Variants in RAD50 observed in about 807,000 individuals in gnomAD.
The protein encoded by RAD50 is RAD50 double strand break repair protein, also known as DNA repair protein RAD50.
RAD50 carries 132 observed loss-of-function variants against 168.8 expected under a neutral mutation model. That is an observed-to-expected ratio of 0.78 (90% CI 0.68 to 0.90). The LOEUF (loss-of-function observed/expected upper bound fraction) is 0.90, where lower values mean the gene tolerates loss of function less well. Ranked by LOEUF, RAD50 falls within the 40% of genes least tolerant of loss-of-function variation. RAD50 has a pLI of 0.00. For synonymous variants in RAD50, 525 were observed against 497.4 expected, an observed-to-expected ratio of 1.06 and a Z score of -0.74; for missense variants, 1,347 against 1,534.4, an observed-to-expected ratio of 0.88 and a Z score of 2.04.
rs1580997021 is a variant in RAD50 at position 132,595,656 on chromosome 5, CAG to C, written c.2058_2059del (p.Arg686SerfsTer7). On this transcript the variant is annotated frameshift_variant, in exon 13 of 25. Coordinates refer to ENST00000378823, the MANE Select transcript of RAD50 (RefSeq NM_005732.4). LOFTEE classifies it high-confidence loss of function. ...AAACCAGTCATGTTGCCCCGTTTGT[CAG>C]AGAGTTTTTCAGACAGAGGCTGAGT... ...DENQSCCPVC[Q>X]RVFQTEAELQ... 4 of 1,614,040 alleles carry C rather than the reference CAG, an allele frequency of 2.5e-6. No individual in the cohort carries two copies. Among genetic ancestry groups the C allele is most frequent in the Non-Finnish European group, 3.4e-6 (4 of 1,179,974 alleles).
At chr5:132,566,385 G>A (rs1750208900) in intron 2 of RAD50, among the ~76,000 whole-genome samples, 1 of 152,190 alleles carries the variant, frequency 6.6e-6, no homozygotes, top group Admixed American at 6.5e-5. Flanking sequence ...TTCAACTACT[G>A]TGGATTAAAC....
intron 1 of RAD50, among the ~76,000 whole-genome samples, chr5:132,558,832 G>A (rs968700897): frequency 6.6e-6 from 1 of 151,924 alleles, no homozygotes; most frequent in East Asian, 1.9e-4. Context: ...CCAGGAGGTC[G>A]AGAGGTCGAG....
intron 20 of RAD50, among the ~76,000 whole-genome samples, chr5:132,617,817 C>T (rs1751203027): frequency 6.6e-6 from 1 of 152,100 alleles, no homozygotes; most frequent in Non-Finnish European, 1.5e-5. Flanking sequence ...TATCAGTGAT[C>T]ACATGCTATG....
chr5:132,642,215 C>G lies in RAD50; in HGVS notation c.3790C>G (p.Leu1264Val). 6.2e-7 allele frequency: 1 copy of G among 1,614,174 alleles called. No individual in the cohort carries two copies. The highest frequency in any genetic ancestry group is 8.5e-7 in the Non-Finnish European group (1 of 1,180,008). The change falls in exon 25 of 25, where the codon CTT (leucine) becomes GTT (valine). Residue 1264 changes from leucine (L) to valine (V), a missense_variant. Leu to Val is a conservative substitution (Grantham distance 32, BLOSUM62 1). Coordinates refer to ENST00000378823, the MANE Select transcript of RAD50 (RefSeq NM_005732.4). ...TCGCTCACAGCAGCGTAACTTCCAG[C>G]TTCTGGTAATCACTCATGATGAAGA... is the stretch of plus-strand genomic sequence containing the variant. ...KSRSQQRNFQ[L>V]LVITHDEDFV... is the part of the protein sequence containing the mutation.
intron 5 of RAD50, among the ~76,000 whole-genome samples, chr5:132,584,840 C>T (rs912381363): frequency 3.3e-5 from 5 of 151,024 alleles, no homozygotes; most frequent in African/African-American, 1.2e-4. Flanking sequence ...CAAACTACCG[C>T]AAGAACAAAA....
rs370859079 is a variant in RAD50, at chr5:132,604,094, G to A, written c.2524+48G>A. 102 of 1,603,120 alleles carry A rather than the reference G, an allele frequency of 6.4e-5. No homozygotes were observed. The African/African-American group carries it at 6.7e-4, about 11-fold the overall frequency. On this transcript the variant is annotated intron_variant, in intron 15 of 24. Transcript: ENST00000378823. ...GTACTCATAGAGACTTTGACATTGC[G>A]AGCACATGCCTTTTACAGTCAATTT...
Position 132,643,255 on chromosome 5 carries a change from A to C in RAD50, c.*891A>C, listed in dbSNP as rs564748122. On this transcript the variant is annotated 3_prime_UTR_variant, in exon 25 of 25. Transcript: ENST00000378823. ...TCAAGGCCTGCTCCCTGTAGGGTCC[A>C]ACCAGACCTGGAAGAACAGGCCTCT... 2.2e-5 allele frequency: 6 copies of C among 270,730 alleles called. No homozygotes were observed. The highest frequency in any genetic ancestry group is 1.2e-4 in the African/African-American group (6 of 48,006). 16.8% of individuals were successfully genotyped at this position (270,730 alleles called of 1,614,324 possible).
chr5:132,599,496 A>G (rs1750848426), intron 13 of RAD50, among the ~76,000 whole-genome samples: 1 of 152,208 alleles, frequency 6.6e-6, no homozygotes, highest in Non-Finnish European at 1.5e-5. Context: ...ATAACATTAT[A>G]AAACACTTTT....
chr5:132,628,724 G>A (rs529242754), intron 21 of RAD50, among the ~76,000 whole-genome samples: 1 of 152,152 alleles, frequency 6.6e-6, no homozygotes, highest in East Asian at 1.9e-4. Flanking sequence ...TGCCTAGCCT[G>A]TAATCCCAGC....
chr5:132,590,337 G>T (rs939149299), intron 9 of RAD50, among the ~76,000 whole-genome samples: 1 of 152,166 alleles, frequency 6.6e-6, no homozygotes, highest in Admixed American at 6.5e-5. Flanking sequence ...GGGCGTGGTG[G>T]CGTGTGCCTG....
chr5:132,576,198 A>G (rs1750398273), intron 3 of RAD50, among the ~76,000 whole-genome samples: 1 of 152,220 alleles, frequency 6.6e-6, no homozygotes, highest in Non-Finnish European at 1.5e-5. Flanking sequence ...GTTAAATAGA[A>G]TGATCCCATG....
At chr5:132,619,582 T>C (rs1030506746) in intron 21 of RAD50, among the ~76,000 whole-genome samples, 2 of 151,998 alleles carry the variant, frequency 1.3e-5, no homozygotes, top group African/African-American at 2.4e-5. Context: ...TCTTTTCTTA[T>C]TGATTTAAAT....
rs878997089 is a variant in RAD50, at chr5:132,616,015, T to A, written c.3049T>A (p.Trp1017Arg). The change falls in exon 20 of 25, where the codon TGG (tryptophan) becomes AGG (arginine). Residue 1017 changes from tryptophan to arginine, a missense_variant. Around this residue, in one of 3 missense-constraint regions of RAD50, gnomAD observed 635 missense variants for 739.2 expected, o/e 0.86. Transcript: ENST00000378823. ...TGTTTACCTTTAGATACAAGAAAGG[T>A]GGCTACAAGATAACCTTACTTTAAG... The part of the protein sequence containing the change: ...DIDTQKIQER[W>R]LQDNLTLRKR... The A allele has an allele frequency of 6.3e-7, 1 of 1,583,762 alleles. No homozygotes were observed. Among genetic ancestry groups the A allele is most frequent in the Non-Finnish European group, 8.7e-7 (1 of 1,152,856 alleles).
chr5:132,579,348 T>C lies in RAD50; in HGVS notation c.397T>C (p.Cys133Arg). 6.2e-7 allele frequency: 1 copy of C among 1,614,068 alleles called. No homozygotes were observed. ...HGEKVSLSSK[C>R]AEIDREMISS... ...TGAAAAGGTCAGTCTGAGCTCTAAG[T>C]GTGCAGAAATTGACCGAGAAATGAT... The change falls in exon 4 of 25, where the codon TGT (cysteine) becomes CGT (arginine). Residue 133 changes from cysteine to arginine, a missense_variant. Physicochemically the swap from Cys to Arg is radical, Grantham distance 180 (BLOSUM62 -3). Around this residue, in one of 3 missense-constraint regions of RAD50, gnomAD observed 703 missense variants for 767.7 expected, o/e 0.92. Coordinates refer to ENST00000378823, the MANE Select transcript of RAD50 (RefSeq NM_005732.4).
intron 2 of RAD50, among the ~76,000 whole-genome samples, chr5:132,562,398 G>C (rs976165281): frequency 2.0e-5 from 3 of 152,156 alleles, no homozygotes; most frequent in Non-Finnish European, 4.4e-5. Context: ...CATTAAGGTA[G>C]TGGTAGAATG....
In RAD50 at chr5:132,609,338, A is replaced by G; in HGVS notation, c.2978A>G (p.His993Arg). The change falls in exon 19 of 25, where the codon CAC (histidine) becomes CGC (arginine). Residue 993 changes from histidine (H) to arginine (R), a missense_variant. His to Arg is a conservative substitution (Grantham distance 29). Around this residue, in one of 3 missense-constraint regions of RAD50, gnomAD observed 635 missense variants for 739.2 expected, o/e 0.86. Coordinates refer to ENST00000378823, the MANE Select transcript of RAD50 (RefSeq NM_005732.4). ...VIAQLSECEK[H>R]KEKINEDMRL... is the part of the protein sequence containing the mutation. ...GCTCAACTAAGTGAATGCGAGAAAC[A>G]CAAAGAAAAGATAAATGAAGATATG... The G allele has an allele frequency of 6.2e-7, 1 of 1,613,890 alleles. No homozygotes were observed. The highest frequency in any genetic ancestry group is 8.5e-7 in the Non-Finnish European group (1 of 1,179,894).
chr5:132,628,845 C>T (rs530820784), intron 21 of RAD50, among the ~76,000 whole-genome samples: 1 of 150,510 alleles, frequency 6.6e-6, no homozygotes, highest in South Asian at 2.1e-4. Context: ...AAAAAACTGT[C>T]TCAGAAAAAA....
chr5:132,596,766 T>G (rs1204171631), intron 13 of RAD50, among the ~76,000 whole-genome samples: 1 of 152,212 alleles, frequency 6.6e-6, no homozygotes, highest in East Asian at 1.9e-4. Context: ...AATAAAGTGC[T>G]TAAAAAATGA....
chr5:132,592,135 T>G, intron 11 of RAD50, 101 bp downstream of exon 11: 1 of 1,286,794 alleles, frequency 7.8e-7, no homozygotes, highest in Non-Finnish European at 1.1e-6. Context: ...GTATGTTATA[T>G]TGATAAACTT....
Sources: gnomAD v4.1 joint callset for allele counts (sites outside exome capture counted in the v4.1 genomes callset) on GRCh38, gnomAD v4.1.1 for gene constraint, gnomAD v4.1.1 regional missense constraint, MANE v1.5 for transcripts, NCBI Gene and HGNC (gene_info 2026-07-23, HGNC 2026-07-21) for gene names.